SAMD12: variants seen among roughly 807,000 people sequenced by gnomAD.
SAMD12 encodes the protein sterile alpha motif domain-containing protein 12.
In SAMD12, 9 loss-of-function variants were observed where a neutral mutation model predicts 15.0. The observed-to-expected ratio is 0.60, with a 90% CI of 0.36 to 1.05. The LOEUF is 1.05. Among genes scored for constraint, SAMD12 ranks in the 50% least tolerant of loss-of-function variants. SAMD12 has a pLI of 0.01. For missense variants in SAMD12, 230 were observed against 234.2 expected (o/e 0.98, Z 0.12); for synonymous variants, 86 against 90.1 (o/e 0.96, Z 0.25).
At chr8:118,450,757 T>C (rs1823056362) in intron 2 of SAMD12, among the ~76,000 whole-genome samples, 1 of 152,138 alleles carries the variant, frequency 6.6e-6, no homozygotes, top group Admixed American at 6.5e-5. Context: ...GTCTGGGTGG[T>C]AGAAGGGAGC....
At chr8:118,219,380 G>A (rs1294106253) in intron 4 of SAMD12, among the ~76,000 whole-genome samples, 1 of 152,130 alleles carries the variant, frequency 6.6e-6, no homozygotes, top group Non-Finnish European at 1.5e-5. Context: ...TTAAATAACA[G>A]AATGAACAAA....
chr8:118,239,288 A>G (rs1256986884), intron 4 of SAMD12, among the ~76,000 whole-genome samples: 1 of 152,166 alleles, frequency 6.6e-6, no homozygotes, highest in African/African-American at 2.4e-5. Flanking sequence ...CTAGGAATAT[A>G]GTAGTAAATA....
At chr8:118,366,813 AAATAAAATAAAATAAAATAAAATAAAAT>A (rs1563799643) in intron 4 of SAMD12, among the ~76,000 whole-genome samples, 5 of 57,596 alleles carry the variant, frequency 8.7e-5, no homozygotes, top group African/African-American at 2.7e-4. Context: ...ACTCTGTCTC[AAATAAAATAAAATAAAATAAAATAAAAT>A]AAAATAAAAT....
At chr8:118,370,013 C>G (rs1818999759) in intron 4 of SAMD12, among the ~76,000 whole-genome samples, 1 of 152,036 alleles carries the variant, frequency 6.6e-6, no homozygotes, top group Non-Finnish European at 1.5e-5. Context: ...TCCGACGTAT[C>G]CATCTGACCA....
chr8:118,259,053 C>T (rs151335508), intron 4 of SAMD12, among the ~76,000 whole-genome samples: 10 of 152,156 alleles, frequency 6.6e-5, no homozygotes, highest in Non-Finnish European at 1.0e-4. Context: ...GATACTTATA[C>T]GGAAATGACA....
intron 2 of SAMD12, among the ~76,000 whole-genome samples, chr8:118,530,147 T>C (rs1441839774): frequency 1.3e-5 from 2 of 152,188 alleles, no homozygotes; most frequent in Admixed American, 6.5e-5. Flanking sequence ...CATTTTTTCG[T>C]ATGTTTGTTG....
At chr8:118,350,118 A>C (rs1817884925) in intron 4 of SAMD12, among the ~76,000 whole-genome samples, 1 of 152,184 alleles carries the variant, frequency 6.6e-6, no homozygotes, top group Non-Finnish European at 1.5e-5. Context: ...CTGGCTCAAA[A>C]ACAAAAGCTA....
At chr8:118,208,680 T>G (rs1019687286) in intron 4 of SAMD12, among the ~76,000 whole-genome samples, 2 of 152,374 alleles carry the variant, frequency 1.3e-5, no homozygotes, top group South Asian at 2.1e-4. Context: ...TGGAGGAAAT[T>G]ACTTTTAAAT....
intron 2 of SAMD12, among the ~76,000 whole-genome samples, chr8:118,472,840 A>G (rs1179668962): frequency 1.3e-5 from 2 of 151,954 alleles, no homozygotes; most frequent in Non-Finnish European, 2.9e-5. Flanking sequence ...AATTCCACAA[A>G]TGCCAATCTT....
intron 4 of SAMD12, among the ~76,000 whole-genome samples, chr8:118,245,573 A>G (rs1414788854): frequency 6.6e-6 from 1 of 152,148 alleles, no homozygotes; most frequent in African/African-American, 2.4e-5. Flanking sequence ...TAGAGTGAAG[A>G]AGTAGTGGTA....
Position 118,523,724 on chromosome 8 carries a change from C to T in SAMD12, c.192+56991G>A, listed in dbSNP as rs73317392. ...GTCAAGGGGATCTTAGTATTCCAGG[C>T]GTCTCCAATACCTGCTCCTACTCCA... On this transcript the variant is annotated intron_variant, in intron 2 of 3. Coordinates refer to ENST00000314727, the MANE Select transcript of SAMD12 (RefSeq NM_207506.3). Among the ~76,000 whole-genome samples, 1,323 of 152,186 alleles carry T rather than the reference C, an allele frequency of 8.7e-3. 22 individuals are homozygous for T. The highest frequency in any genetic ancestry group is 0.03 in the African/African-American group (1,257 of 41,516).
chr8:118,543,893 A>G (rs1826053909), intron 2 of SAMD12, among the ~76,000 whole-genome samples: 1 of 152,060 alleles, frequency 6.6e-6, no homozygotes, highest in Admixed American at 6.5e-5. Context: ...CTTTATCTCC[A>G]GGGTCTCTCC....
At chr8:118,218,921 G>T (rs1014000541) in intron 4 of SAMD12, among the ~76,000 whole-genome samples, 6 of 152,066 alleles carry the variant, frequency 3.9e-5, no homozygotes, top group Non-Finnish European at 7.4e-5. Context: ...GGCCAAATTT[G>T]AATAATTACC....
intron 2 of SAMD12, among the ~76,000 whole-genome samples, chr8:118,501,668 G>A (rs1051361625): frequency 2.6e-5 from 4 of 152,070 alleles, no homozygotes; most frequent in East Asian, 1.9e-4. Flanking sequence ...GTTTACTGCC[G>A]AGCAGTGCTT....
intron 1 of SAMD12, among the ~76,000 whole-genome samples, chr8:118,616,162 T>C (rs964390630): frequency 2.6e-5 from 4 of 152,192 alleles, no homozygotes; most frequent in Middle Eastern, 3.2e-3. Flanking sequence ...AATCACACAA[T>C]GAAGCTGCTG....
At chr8:118,457,276 G>T (rs193242718) in intron 2 of SAMD12, among the ~76,000 whole-genome samples, 1 of 146,488 alleles carries the variant, frequency 6.8e-6, no homozygotes. Context: ...TCTTGCCCAT[G>T]CTGGAGTGCG....
intron 1 of SAMD12, among the ~76,000 whole-genome samples, chr8:118,589,168 A>G (rs1382483933): frequency 2.0e-5 from 3 of 152,184 alleles, no homozygotes; most frequent in African/African-American, 7.2e-5. Context: ...AAGAAACTAA[A>G]TGGAAACTGA....
At chr8:118,185,572 T>G (rs1649017898), downstream of SAMD12, among the ~76,000 whole-genome samples, 1 of 152,204 alleles carries the variant, frequency 6.6e-6, no homozygotes, top group African/African-American at 2.4e-5. Context: ...TGTGCTTACT[T>G]TAAAAGCAAA....
chr8:118,509,389 G>A (rs1341418189), intron 2 of SAMD12, among the ~76,000 whole-genome samples: 2 of 152,190 alleles, frequency 1.3e-5, no homozygotes, highest in Non-Finnish European at 2.9e-5. Flanking sequence ...ACTGGGGCGG[G>A]CCTGACTGGC....
Sources: allele counts gnomAD v4.1 joint callset (sites outside exome capture counted in the v4.1 genomes callset), GRCh38; gene constraint gnomAD v4.1.1; transcripts MANE v1.5; gene names NCBI Gene and HGNC (gene_info 2026-07-23, HGNC 2026-07-21).